GYG1: variants seen among roughly 807,000 people sequenced by gnomAD.
GYG1 encodes glycogenin-1.
A neutral mutation model predicts 41.9 loss-of-function variants in GYG1; 44 were observed. The ratio of observed to expected loss-of-function variants is 1.05; its 90% CI spans 0.83 to 1.35. The LOEUF (loss-of-function observed/expected upper bound fraction) is 1.35, where lower values mean the gene tolerates loss of function less well. Among genes scored for constraint, GYG1 ranks in the 40% most tolerant of loss-of-function variants. GYG1 has a pLI of 0.00. For missense variants in GYG1, 429 were observed against 418.9 expected (o/e 1.02, Z -0.21); for synonymous variants, 141 against 158.1 (o/e 0.89, Z 0.81).
intron 4 of GYG1, among the ~76,000 whole-genome samples, chr3:149,005,971 T>A (rs1160103560): frequency 6.6e-6 from 1 of 152,184 alleles, no homozygotes; most frequent in African/African-American, 2.4e-5. Context: ...TGTGTATATG[T>A]ATATGCACTT....
In GYG1 at chr3:149,004,934, G is replaced by A. The variant is rs1470285655; in HGVS notation, c.482-4342G>A. 2.0e-5 allele frequency among the ~76,000 whole-genome samples: 3 copies of A among 152,216 alleles called. No homozygotes were observed. The East Asian group carries it at 5.8e-4, about 29-fold the overall frequency. On this transcript the variant is annotated intron_variant, in intron 4 of 7. Coordinates refer to ENST00000345003, the MANE Select transcript of GYG1 (RefSeq NM_004130.4). ...TTGTGGCCAAAGGCAGCCAGCCAGGGACTTTGAGGGATCAGCAGCTCTGAC... is the reference window on the plus strand; with the variant it reads ...TTGTGGCCAAAGGCAGCCAGCCAGGAACTTTGAGGGATCAGCAGCTCTGAC...
At chr3:149,014,966 G>A (rs780396687) in intron 5 of GYG1, among the ~76,000 whole-genome samples, 1 of 151,682 alleles carries the variant, frequency 6.6e-6, no homozygotes, top group Admixed American at 6.6e-5. Context: ...GTGCTACACA[G>A]AATTTTTTTT....
chr3:149,031,011 A>C lies in GYG1; in HGVS notation c.*4078A>C, dbSNP rs1209818935. 2 of 152,196 alleles carry C rather than the reference A, an allele frequency of 1.3e-5. No individual in the cohort carries two copies. The highest frequency in any genetic ancestry group is 3.8e-4 in the East Asian group (2 of 5,202). The allele number at this position is 152,196 out of a possible 1,614,324, so 9.4% of individuals were successfully genotyped here. ...TGAAGCTTCTCTTGTTTGTTAGAGT[A>C]ATTAATCTTTCTTTGGATTAAAGTT... On this transcript the variant is annotated 3_prime_UTR_variant, in exon 8 of 8. Transcript: ENST00000345003.
rs536775623 is a variant in GYG1, at chr3:149,009,911, C to T, written c.608+509C>T. On this transcript the variant is annotated intron_variant, in intron 5 of 7. Transcript: ENST00000345003. Reference sequence around the variant, plus strand: ...CTGGATGACCTCACTTCACATCCTGCAGTGACCACTTCCTGGCCTACTTAC... The same window carrying T: ...CTGGATGACCTCACTTCACATCCTGTAGTGACCACTTCCTGGCCTACTTAC... Among the ~76,000 whole-genome samples the T allele has an allele frequency of 2.0e-5, 3 of 152,342 alleles. No individual in the cohort carries two copies. In the South Asian group the frequency reaches 6.2e-4, roughly 32 times the overall value.
chr3:149,015,785 G>A (rs1037437160), intron 5 of GYG1, among the ~76,000 whole-genome samples: 15 of 152,166 alleles, frequency 9.9e-5, no homozygotes, highest in East Asian at 1.9e-4. Context: ...ATGTAGGTTC[G>A]AGAGAGGGCG....
intron 4 of GYG1, 22 bp from the exon 5 acceptor site, chr3:149,009,253 AT>A: frequency 6.3e-7 from 1 of 1,581,552 alleles, no homozygotes; most frequent in Non-Finnish European, 8.7e-7. Context: ...CTGTTAACTA[AT>A]TTATATATTT....
chr3:149,002,401 C>A (rs1713142056), intron 4 of GYG1, among the ~76,000 whole-genome samples: 1 of 152,130 alleles, frequency 6.6e-6, no homozygotes. Flanking sequence ...TGTTTCCTTG[C>A]AAGTATGTAA....
At position 149,024,070 on chromosome 3, in the gene GYG1, A is replaced by T. The variant is rs751953419; in HGVS notation, c.626A>T (p.Lys209Ile). Reference protein sequence around the residue: ...PAFKVFGASAKVVHFLGRVKP... With the variant: ...PAFKVFGASAIVVHFLGRVKP... ...CTTGGCAGGTTTGGTGCAAGTGCCA[A>T]AGTTGTGCATTTCCTGGGACGAGTC... The change falls in exon 6 of 8, where the codon AAA becomes ATA. Residue 209 changes from lysine (K) to isoleucine (I), a missense_variant. Transcript: ENST00000345003. The T allele has an allele frequency of 6.2e-7, 1 of 1,614,104 alleles. No homozygotes were observed. The highest frequency in any genetic ancestry group is 8.5e-7 in the Non-Finnish European group (1 of 1,179,950).
intron 6 of GYG1, among the ~76,000 whole-genome samples, chr3:149,025,851 T>C (rs918476892): frequency 4.0e-5 from 6 of 150,684 alleles, no homozygotes; most frequent in Admixed American, 3.9e-4. Context: ...TAAACTATTT[T>C]AAGTTATGTC....
Position 148,991,916 on chromosome 3 carries a change from TGCTCTC to T in GYG1, c.7+270_7+275del, listed in dbSNP as rs576422299. Among the ~76,000 whole-genome samples, 42 of 152,266 alleles carry T rather than the reference TGCTCTC, an allele frequency of 2.8e-4. No individual in the cohort carries two copies. The South Asian group carries it at 5.8e-3, about 21-fold the overall frequency. The stretch of plus-strand genomic sequence containing the variant: ...GCTTCCGTCTCCTCGTCCTTCCTCT[TGCTCTC>T]ACGGCGAAGGGCCGGCGGGCGGAGC... On this transcript the variant is annotated intron_variant, in intron 1 of 7. Coordinates refer to ENST00000345003, the MANE Select transcript of GYG1 (RefSeq NM_004130.4).
intron 5 of GYG1, among the ~76,000 whole-genome samples, chr3:149,017,391 T>C (rs1238390496): frequency 6.7e-6 from 1 of 149,956 alleles, no homozygotes; most frequent in Non-Finnish European, 1.5e-5. Context: ...TTGTGACATG[T>C]ACTCAACCTT....
intron 4 of GYG1, among the ~76,000 whole-genome samples, chr3:149,004,498 C>A (rs73009602): frequency 6.6e-6 from 1 of 151,884 alleles, no homozygotes; most frequent in African/African-American, 2.4e-5. Flanking sequence ...TTTCTGATGA[C>A]GTTAAAACAT....
At chr3:149,017,031 TAGTG>T (rs1357512564) in intron 5 of GYG1, among the ~76,000 whole-genome samples, 1 of 152,238 alleles carries the variant, frequency 6.6e-6, no homozygotes, top group Non-Finnish European at 1.5e-5. Flanking sequence ...GTAAAGAGCT[TAGTG>T]AGGACTAAAA....
intron 5 of GYG1, among the ~76,000 whole-genome samples, chr3:149,022,905 A>G (rs1282133834): frequency 1.3e-5 from 2 of 152,174 alleles, no homozygotes; most frequent in Admixed American, 6.5e-5. Context: ...GTGTATAGCT[A>G]TAGTTCATTC....
In GYG1 at chr3:149,016,971, G is replaced by T. The variant is rs559649285; in HGVS notation, c.609-7082G>T. Reference sequence around the variant, plus strand: ...CATTGCTGCCATGATTCCCAGAGAAGTGTCGCACAAGCAGTGCCGTCTTTC... The same window carrying T: ...CATTGCTGCCATGATTCCCAGAGAATTGTCGCACAAGCAGTGCCGTCTTTC... On this transcript the variant is annotated intron_variant, in intron 5 of 7. Coordinates refer to ENST00000345003, the MANE Select transcript of GYG1 (RefSeq NM_004130.4). 2.4e-4 allele frequency among the ~76,000 whole-genome samples: 37 copies of T among 152,308 alleles called. 1 individual carries two copies. In the South Asian group the frequency reaches 7.7e-3, roughly 32 times the overall value.
rs969114928 is a variant in GYG1 at position 149,029,773 on chromosome 3, T to G, written c.*2840T>G. On this transcript the variant is annotated 3_prime_UTR_variant, in exon 8 of 8. Transcript: ENST00000345003. Reference sequence around the variant, plus strand: ...CAAACTACATAGGGTTAGTTTGTATTTCCAATTCTAGAGCTGTAATTTTAA... The same window carrying G: ...CAAACTACATAGGGTTAGTTTGTATGTCCAATTCTAGAGCTGTAATTTTAA... 1.3e-5 allele frequency among the ~76,000 whole-genome samples: 2 copies of G among 152,230 alleles called. No individual in the cohort carries two copies. The highest frequency in any genetic ancestry group is 4.8e-5 in the African/African-American group (2 of 41,464).
At chr3:149,006,186 T>A (rs1321690943) in intron 4 of GYG1, among the ~76,000 whole-genome samples, 2 of 150,796 alleles carry the variant, frequency 1.3e-5, no homozygotes, top group Non-Finnish European at 2.9e-5. Flanking sequence ...GGGTTCCAGC[T>A]GTTCTTCTGC....
intron 4 of GYG1, among the ~76,000 whole-genome samples, chr3:149,002,347 G>T (rs1022410476): frequency 6.6e-6 from 1 of 152,178 alleles, no homozygotes; most frequent in Non-Finnish European, 1.5e-5. Context: ...AGACTAGGAG[G>T]ACCTGCCTTA....
chr3:148,994,222 A>G lies in GYG1; in HGVS notation c.88A>G (p.Arg30Gly), dbSNP rs1019747164. ...LVLGSSLKQH[R>G]TTRRLVVLAT... Reference sequence around the variant, plus strand: ...CCTGGGATCATCTCTGAAACAGCACAGGACCACCAGGAGGCTGGTCGTGCT... The same window carrying G: ...CCTGGGATCATCTCTGAAACAGCACGGGACCACCAGGAGGCTGGTCGTGCT... Residue 30 changes from arginine to glycine, a missense_variant, in exon 2 of 8, where the codon AGG becomes GGG. By Grantham distance (125) the Arg-to-Gly change is moderately radical (BLOSUM62 -2). Transcript: ENST00000345003. 3.7e-6 allele frequency: 6 copies of G among 1,614,046 alleles called. No homozygotes were observed. Among genetic ancestry groups the G allele is most frequent in the Middle Eastern group, 1.6e-4 (1 of 6,062 alleles).
Sources: gnomAD v4.1 joint callset for allele counts (sites outside exome capture counted in the v4.1 genomes callset) on GRCh38, gnomAD v4.1.1 for gene constraint, MANE v1.5 for transcripts, NCBI Gene and HGNC (gene_info 2026-07-23, HGNC 2026-07-21) for gene names.